RFTN2: variants seen among roughly 807,000 people sequenced by gnomAD.
The protein encoded by RFTN2 is raftlin-2.
Under a neutral mutation model 52.7 loss-of-function variants are expected in RFTN2, and 34 were observed. The ratio of observed to expected loss-of-function variants is 0.64; its 90% confidence interval spans 0.49 to 0.86. The LOEUF is 0.86. RFTN2 is among the 40% of genes least tolerant of loss of function. RFTN2 has a pLI of 0.00. For synonymous variants in RFTN2, 203 were observed against 217.7 expected, an observed-to-expected ratio of 0.93 and a Z score of 0.59; for missense variants, 536 against 600.1, an observed-to-expected ratio of 0.89 and a Z score of 1.12.
intron 8 of RFTN2, among the ~76,000 whole-genome samples, chr2:197,585,910 C>A (rs377587153): frequency 2.6e-5 from 4 of 152,148 alleles, no homozygotes; most frequent in Admixed American, 2.0e-4. Flanking sequence ...CATATTCGGA[C>A]CCCTCACAAC....
intron 3 of RFTN2, among the ~76,000 whole-genome samples, chr2:197,642,321 T>C (rs538445887): frequency 6.6e-6 from 1 of 152,308 alleles, no homozygotes; most frequent in East Asian, 1.9e-4. Flanking sequence ...AAGTAAAACC[T>C]TATAAATATG....
intron 3 of RFTN2, among the ~76,000 whole-genome samples, chr2:197,639,798 TGGA>T (rs1360836213): frequency 1.4e-5 from 2 of 143,158 alleles, no homozygotes; most frequent in African/African-American, 2.6e-5. Flanking sequence ...TGCGTTCCTT[TGGA>T]GGAGGAGAGG....
At chr2:197,575,673 G>A (rs575657551) in intron 8 of RFTN2, among the ~76,000 whole-genome samples, 29 of 146,986 alleles carry the variant, frequency 2.0e-4, no homozygotes, top group African/African-American at 7.3e-4. Context: ...GCTGAAATGG[G>A]AGGATTACTT....
intron 3 of RFTN2, among the ~76,000 whole-genome samples, chr2:197,640,000 T>C (rs1212869164): frequency 6.6e-6 from 1 of 152,146 alleles, no homozygotes; most frequent in African/African-American, 2.4e-5. Context: ...TACCCTGCCG[T>C]GTGAGATGTC....
chr2:197,622,376 C>T (rs2088279851), intron 5 of RFTN2, among the ~76,000 whole-genome samples: 1 of 152,172 alleles, frequency 6.6e-6, no homozygotes, highest in African/African-American at 2.4e-5. Flanking sequence ...ATGATCTTGG[C>T]TCACTGCAAC....
chr2:197,576,046 T>C (rs2087413728), intron 8 of RFTN2, among the ~76,000 whole-genome samples: 1 of 151,606 alleles, frequency 6.6e-6, no homozygotes, highest in South Asian at 2.1e-4. Context: ...TCTTGTTCTG[T>C]TGTCTAGGCT....
Position 197,633,729 on chromosome 2 carries a change from C to T in RFTN2, c.707G>A (p.Arg236Lys), listed in dbSNP as rs1441035871. ...ATCTTGTCTATTACCTTCTCCCTTTCTTGATTTAGAGGAAGTAGGGCTGCC... is the reference window on the plus strand; with the variant it reads ...ATCTTGTCTATTACCTTCTCCCTTTTTTGATTTAGAGGAAGTAGGGCTGCC... Reference protein sequence around the residue: ...QNGSPTSSKSRKGEASDNKLY... With the variant: ...QNGSPTSSKSKKGEASDNKLY... Residue 236 changes from arginine (R) to lysine (K), a missense_variant, in exon 4 of 9, where the codon AGA becomes AAA. Arg to Lys is a conservative substitution (Grantham distance 26). Transcript: ENST00000295049. 8 of 1,612,964 alleles carry T rather than the reference C, an allele frequency of 5.0e-6. No homozygotes were observed. Among genetic ancestry groups the T allele is most frequent in the Non-Finnish European group, 5.9e-6 (7 of 1,179,212 alleles).
intron 6 of RFTN2, among the ~76,000 whole-genome samples, chr2:197,617,078 C>CGA (rs1381108993): frequency 5.9e-5 from 9 of 151,998 alleles, no homozygotes; most frequent in Admixed American, 6.6e-5. Context: ...TTTGGCCTGG[C>CGA]GAGAGAGAGA....
In RFTN2 at chr2:197,610,049, G is replaced by A. The variant is rs540057313; in HGVS notation, c.1154+5827C>T. On this transcript the variant is annotated intron_variant, in intron 7 of 8. Transcript: ENST00000295049. ...GTAGTATAGTTTGAAGTCAGGTAGCGTGATGCCTCAGCTTTGTTCTTTTGG... is the reference window on the plus strand; with the variant it reads ...GTAGTATAGTTTGAAGTCAGGTAGCATGATGCCTCAGCTTTGTTCTTTTGG... Among the ~76,000 whole-genome samples, 16 of 152,282 alleles carry A rather than the reference G, an allele frequency of 1.1e-4. 1 individual carries two copies. Among genetic ancestry groups the A allele is most frequent in the South Asian group, 6.2e-4 (3 of 4,822 alleles).
In RFTN2 at chr2:197,646,686, GA is replaced by G; in HGVS notation, c.140-21del. 4.4e-6 allele frequency: 7 copies of G among 1,575,822 alleles called. No individual in the cohort carries two copies. Among genetic ancestry groups the G allele is most frequent in the Non-Finnish European group, 6.1e-6 (7 of 1,148,992 alleles). Reference sequence around the variant, plus strand: ...ATGAAGCTGAAATATCAAAAGCAAAGAGAAATTTGCATATTCTTAAGATTGA... The same window carrying G: ...ATGAAGCTGAAATATCAAAAGCAAAGGAAATTTGCATATTCTTAAGATTGA... On this transcript the variant is annotated intron_variant, in intron 1 of 8. Transcript: ENST00000295049.
intron 3 of RFTN2, among the ~76,000 whole-genome samples, chr2:197,640,564 A>T (rs1336030672): frequency 6.6e-6 from 1 of 152,226 alleles, no homozygotes; most frequent in Admixed American, 6.5e-5. Context: ...GCGCTTCCCA[A>T]GTGAGGCAAT....
chr2:197,675,270 G>A (rs777610576), intron 1 of RFTN2, 50 bp downstream of exon 1: 1 of 1,432,296 alleles, frequency 7.0e-7, no homozygotes, highest in Non-Finnish European at 9.4e-7. Flanking sequence ...AAAATGACTA[G>A]TAGTCTCATC....
chr2:197,619,683 A>G (rs983425265), intron 5 of RFTN2, among the ~76,000 whole-genome samples: 1 of 148,236 alleles, frequency 6.7e-6, no homozygotes, highest in African/African-American at 2.5e-5. Context: ...TCCCTCCACT[A>G]TTGTCCTGTG....
chr2:197,646,382 C>T, intron 2 of RFTN2, 101 bp downstream of exon 2: 1 of 869,678 alleles, frequency 1.1e-6, no homozygotes, highest in South Asian at 2.0e-5. Flanking sequence ...CTAAAACCCC[C>T]ATGTGTCCTT....
rs146332091 is a variant in RFTN2 at position 197,643,289 on chromosome 2, G to C, written c.438+869C>G. ...CAGGTTTTGTAGAGTTGGGGGTCTT[G>C]CTATGTTGCTTAGGCTGGTCTTGGA... On this transcript the variant is annotated intron_variant, in intron 3 of 8. Transcript: ENST00000295049. 8.2e-3 allele frequency among the ~76,000 whole-genome samples: 1,244 copies of C among 151,970 alleles called. 14 individuals carry two copies. The highest frequency in any genetic ancestry group is 0.029 in the African/African-American group (1,189 of 41,432).
rs1559333082 is a variant in RFTN2 at position 197,571,093 on chromosome 2, ACTC to A, written c.*912_*914del. ...TCGCGTGTGCTATGAGCATCTTTCT[ACTC>A]CTGCCAGATTGAAAATTCTAGGTTT... is the stretch of plus-strand genomic sequence containing the variant. On this transcript the variant is annotated 3_prime_UTR_variant, in exon 9 of 9. Transcript: ENST00000295049. 6.6e-6 allele frequency: 1 copy of A among 152,336 alleles called. No homozygotes were observed. The highest frequency in any genetic ancestry group is 1.9e-4 in the East Asian group (1 of 5,340). The allele number at this position is 152,336 out of a possible 1,614,324, so 9.4% of individuals were successfully genotyped here.
chr2:197,638,135 T>C (rs1375966903), intron 3 of RFTN2, among the ~76,000 whole-genome samples: 2 of 146,292 alleles, frequency 1.4e-5, no homozygotes, highest in East Asian at 4.0e-4. Flanking sequence ...CTTTTACATT[T>C]GCTGAGGAGA....
chr2:197,615,275 C>T (rs2088122961), intron 7 of RFTN2, among the ~76,000 whole-genome samples: 4 of 152,214 alleles, frequency 2.6e-5, no homozygotes, highest in Admixed American at 2.6e-4. Context: ...CAGGTAGTCA[C>T]CTGCCCAGGC....
intron 8 of RFTN2, among the ~76,000 whole-genome samples, chr2:197,591,203 A>G (rs1449660588): frequency 6.6e-6 from 1 of 152,224 alleles, no homozygotes; most frequent in East Asian, 1.9e-4. Context: ...AGCTAGACAC[A>G]GAGTGCTGAT....
Sources: allele counts gnomAD v4.1 joint callset (sites outside exome capture counted in the v4.1 genomes callset), GRCh38; gene constraint gnomAD v4.1.1; transcripts MANE v1.5; gene names NCBI Gene and HGNC (gene_info 2026-07-23, HGNC 2026-07-21).